INSYN2A: variants seen among roughly 807,000 people sequenced by gnomAD.
The protein encoded by INSYN2A is inhibitory synaptic factor 2A.
INSYN2A carries 17 observed loss-of-function variants against 39.4 expected under a neutral mutation model. That is an observed-to-expected ratio of 0.43 (90% CI 0.30 to 0.65). The LOEUF is 0.65. Among genes scored for constraint, INSYN2A ranks in the 30% least tolerant of loss-of-function variants. The probability of loss-of-function intolerance (pLI) is 0.14; values close to 1 mark genes in which losing one functional copy is unlikely to be tolerated. For synonymous variants in INSYN2A, 255 were observed against 265.7 expected (o/e 0.96, Z 0.39); for missense variants, 595 against 631.2 (o/e 0.94, Z 0.61).
chr10:127,145,670 G>C (rs1439025500), intron 5 of INSYN2A, among the ~76,000 whole-genome samples: 1 of 152,122 alleles, frequency 6.6e-6, no homozygotes, highest in African/African-American at 2.4e-5. Context: ...AGAGACATGG[G>C]TGACGTCCCG....
chr10:127,174,334 G>A (rs1051353160), intron 4 of INSYN2A, among the ~76,000 whole-genome samples: 5 of 152,144 alleles, frequency 3.3e-5, no homozygotes, highest in Non-Finnish European at 7.4e-5. Flanking sequence ...CAATCCAGGC[G>A]AAGTCCGATA....
intron 5 of INSYN2A, among the ~76,000 whole-genome samples, chr10:127,147,343 TG>T (rs1002500105): frequency 6.6e-6 from 1 of 152,124 alleles, no homozygotes; most frequent in African/African-American, 2.4e-5. Flanking sequence ...CGCCGTAGCC[TG>T]GAGGGCTCTA....
Position 127,175,904 on chromosome 10 carries a change from C to T in INSYN2A, c.492G>A (p.Ala164=), listed in dbSNP as rs761300471. The T allele has an allele frequency of 1.1e-5, 18 of 1,614,084 alleles. No homozygotes were observed. Among genetic ancestry groups the T allele is most frequent in the Middle Eastern group, 1.6e-4 (1 of 6,084 alleles). The change falls in exon 4 of 6, where the codon GCG becomes GCA. Residue 164 remains alanine (A), a synonymous_variant. Transcript: ENST00000522781. The surrounding 1 kb of genome is among the most constrained non-coding windows in gnomAD (Gnocchi z 6.3). The part of the protein sequence containing the change: ...GPMEEARPCG[A]GRVHKTTALV... ...AGGCTGTGGTCTTGTGCACCCGCCC[C>T]GCGCCACATGGCCGGGCCTCCTCCA...
At chr10:127,154,141 GT>G (rs2052792395) in intron 4 of INSYN2A, among the ~76,000 whole-genome samples, 1 of 152,120 alleles carries the variant, frequency 6.6e-6, no homozygotes, top group Non-Finnish European at 1.5e-5. Context: ...AAATTTAGAA[GT>G]GAACATAAGC....
intron 5 of INSYN2A, among the ~76,000 whole-genome samples, chr10:127,147,313 T>C (rs1206890296): frequency 1.3e-5 from 2 of 152,150 alleles, no homozygotes; most frequent in African/African-American, 4.8e-5. Context: ...GTCCTCCTAG[T>C]TCCTGCCAGT....
At chr10:127,195,711 C>T (rs2057076194) in intron 1 of INSYN2A, among the ~76,000 whole-genome samples, 1 of 152,222 alleles carries the variant, frequency 6.6e-6, no homozygotes, top group Admixed American at 6.5e-5. Context: ...GAGGCGCAGC[C>T]CCGCTCCTCC....
chr10:127,192,612 G>T lies in INSYN2A; in HGVS notation c.-276C>A, dbSNP rs973275687. On this transcript the variant is annotated 5_prime_UTR_variant, in exon 2 of 6. Transcript: ENST00000522781. ...GAATATCCTGTGACTTACAGTAGAGGGGTCTCTGAAAGGACTTGAATTTGG... is the reference window on the plus strand; with the variant it reads ...GAATATCCTGTGACTTACAGTAGAGTGGTCTCTGAAAGGACTTGAATTTGG... The T allele has an allele frequency of 7.9e-5, 12 of 152,188 alleles. No individual in the cohort carries two copies. The highest frequency in any genetic ancestry group is 2.4e-4 in the African/African-American group (10 of 41,448). The allele number at this position is 152,188 out of a possible 1,614,324, so 9.4% of individuals were successfully genotyped here.
At chr10:127,140,619 C>T (rs2489396) in intron 5 of INSYN2A, among the ~76,000 whole-genome samples, 4 of 48,244 alleles carry the variant, frequency 8.3e-5, no homozygotes, top group Admixed American at 2.5e-4. Flanking sequence ...CCAAGTCTCT[C>T]GGTTGAGTTT....
intron 4 of INSYN2A, among the ~76,000 whole-genome samples, chr10:127,173,265 T>G (rs1263039889): frequency 6.6e-6 from 1 of 152,130 alleles, no homozygotes; most frequent in South Asian, 2.1e-4. Context: ...CAGACAGTGA[T>G]CTCAACTTAC....
chr10:127,147,360 G>A (rs1157307444), intron 5 of INSYN2A, among the ~76,000 whole-genome samples: 1 of 152,156 alleles, frequency 6.6e-6, no homozygotes, highest in Non-Finnish European at 1.5e-5. Context: ...CTCTAGAGAG[G>A]CCATCCAAAT....
chr10:127,142,032 G>A (rs1056944250), intron 5 of INSYN2A, among the ~76,000 whole-genome samples: 2 of 152,228 alleles, frequency 1.3e-5, no homozygotes, highest in Admixed American at 6.5e-5. Context: ...GGGTCTGCTT[G>A]TGAGTGACCA....
chr10:127,138,479 C>T (rs1726870377), intron 5 of INSYN2A, among the ~76,000 whole-genome samples: 2 of 152,138 alleles, frequency 1.3e-5, no homozygotes. Context: ...TTTCTCTGAT[C>T]TCCCACCTAA....
chr10:127,140,586 A>G (rs553677827), intron 5 of INSYN2A, among the ~76,000 whole-genome samples: 38 of 114,906 alleles, frequency 3.3e-4, no homozygotes, highest in Non-Finnish European at 3.7e-4. Context: ...TTCCTGCTCA[A>G]GGACTTTTCT....
rs1373675641 is a variant in INSYN2A, at chr10:127,175,525, C to G, written c.871G>C (p.Ala291Pro). The G allele has an allele frequency of 6.2e-7, 1 of 1,609,708 alleles. No homozygotes were observed. The highest frequency in any genetic ancestry group is 8.5e-7 in the Non-Finnish European group (1 of 1,180,012). The change falls in exon 4 of 6, where the codon GCC becomes CCC. Residue 291 changes from alanine (A) to proline (P), a missense_variant. Physicochemically the swap from Ala to Pro is conservative, Grantham distance 27. Coordinates refer to ENST00000522781, the MANE Select transcript of INSYN2A (RefSeq NM_001039762.3). This position sits in a 1 kb window ranked among gnomAD's most constrained non-coding sequence, Gnocchi z 6.3. ...LCPADDERRR[A>P]THLNGLQAPS... ...GCCTGGAGCCCGTTGAGATGTGTGG[C>G]TCTCCTCCGCTCGTCATCTGCCGGG...
intron 2 of INSYN2A, among the ~76,000 whole-genome samples, chr10:127,183,550 C>T (rs912985872): frequency 1.3e-5 from 2 of 152,156 alleles, no homozygotes; most frequent in Non-Finnish European, 2.9e-5. Flanking sequence ...AGAAAATAAC[C>T]TGCACTTGGG....
intron 1 of INSYN2A, among the ~76,000 whole-genome samples, chr10:127,193,401 G>T (rs557546311): frequency 2.6e-5 from 4 of 152,158 alleles, no homozygotes; most frequent in African/African-American, 9.7e-5. Flanking sequence ...GTTAAAATCC[G>T]TGGTGAACCT....
At chr10:127,178,896 G>C (rs566286748) in intron 2 of INSYN2A, among the ~76,000 whole-genome samples, 1 of 152,226 alleles carries the variant, frequency 6.6e-6, no homozygotes, top group East Asian at 1.9e-4. Context: ...CTTGGTGTGG[G>C]GGACAGTATG....
intron 4 of INSYN2A, among the ~76,000 whole-genome samples, chr10:127,166,627 C>A: frequency 6.6e-6 from 1 of 152,174 alleles, no homozygotes; most frequent in East Asian, 1.9e-4. Context: ...AAATAGGTGA[C>A]CTCTGTAGGT....
intron 2 of INSYN2A, among the ~76,000 whole-genome samples, chr10:127,178,173 G>A (rs11592586): frequency 0.21 from 32,272 of 152,168 alleles, 4,213 homozygotes; most frequent in South Asian, 0.29. Flanking sequence ...TATGTCTCAG[G>A]CCAGCCTGGT....
Sources: gnomAD v4.1 joint callset for allele counts (sites outside exome capture counted in the v4.1 genomes callset) on GRCh38, gnomAD v4.1.1 for gene constraint, Gnocchi (gnomAD v3.1) non-coding constraint, MANE v1.5 for transcripts, NCBI Gene and HGNC (gene_info 2026-07-23, HGNC 2026-07-21) for gene names.